The following AK5 variants were observed in gnomAD, a reference collection of about 807,000 sequenced individuals.
AK5 encodes the protein adenylate kinase 5.
A neutral mutation model predicts 69.5 loss-of-function variants in AK5; 27 were observed. The observed-to-expected ratio is 0.39, with a 90% CI of 0.29 to 0.54. AK5 has a LOEUF of 0.54. AK5 is among the 20% of genes least tolerant of loss of function. The pLI, the probability that AK5 is intolerant of heterozygous loss-of-function variation, is 0.71. For synonymous variants in AK5, 260 were observed against 244.4 expected (o/e 1.06, Z -0.60); for missense variants, 531 against 700.4 (o/e 0.76, Z 2.73).
intron 1 of AK5, among the ~76,000 whole-genome samples, chr1:77,286,270 A>C (rs1658345080): frequency 6.6e-6 from 1 of 151,588 alleles, no homozygotes; most frequent in African/African-American, 2.4e-5. Context: ...AGAGACATAA[A>C]GGGTGGGTAG....
chr1:77,449,040 G>A (rs184807922), intron 8 of AK5, among the ~76,000 whole-genome samples: 1 of 152,342 alleles, frequency 6.6e-6, no homozygotes, highest in East Asian at 1.9e-4. Context: ...TGCTAGGGAA[G>A]TACAAAAGGG....
chr1:77,463,513 T>C (rs78069045), intron 8 of AK5, among the ~76,000 whole-genome samples: 1,859 of 151,590 alleles, frequency 0.012, 41 homozygotes, highest in African/African-American at 0.042. Flanking sequence ...TCCTTCACTA[T>C]GTGAGTGTCT....
chr1:77,465,794 G>T (rs1476407435), intron 8 of AK5, among the ~76,000 whole-genome samples: 1 of 152,100 alleles, frequency 6.6e-6, no homozygotes, highest in Non-Finnish European at 1.5e-5. Flanking sequence ...CTCCTGCCTT[G>T]ACCATACTAA....
intron 13 of AK5, among the ~76,000 whole-genome samples, chr1:77,548,482 T>C (rs1468583875): frequency 6.6e-6 from 1 of 152,214 alleles, no homozygotes; most frequent in Non-Finnish European, 1.5e-5. Context: ...TGTGAGGCTG[T>C]GTCTTGTTTA....
intron 10 of AK5, among the ~76,000 whole-genome samples, chr1:77,514,826 A>G (rs2100300169): frequency 6.6e-6 from 1 of 152,384 alleles, no homozygotes; most frequent in Middle Eastern, 3.4e-3. Context: ...TAATTGGAAC[A>G]TGGCATTTTT....
intron 2 of AK5, among the ~76,000 whole-genome samples, chr1:77,292,481 T>C (rs1287715211): frequency 3.9e-5 from 6 of 152,178 alleles, no homozygotes; most frequent in Non-Finnish European, 7.4e-5. Flanking sequence ...ACAGTAGTCA[T>C]CTTAGCAGAA....
At chr1:77,459,747 T>C (rs1226678945) in intron 8 of AK5, among the ~76,000 whole-genome samples, 1 of 152,156 alleles carries the variant, frequency 6.6e-6, no homozygotes, top group Non-Finnish European at 1.5e-5. Context: ...TAGTAGAGCC[T>C]CAGTACATGG....
chr1:77,460,064 T>C (rs1007992491), intron 8 of AK5, among the ~76,000 whole-genome samples: 3 of 152,322 alleles, frequency 2.0e-5, no homozygotes, highest in Admixed American at 6.5e-5. Flanking sequence ...CTCAGAGATA[T>C]GACACACTTC....
At chr1:77,341,755 A>T (rs911789291) in intron 6 of AK5, among the ~76,000 whole-genome samples, 2 of 152,230 alleles carry the variant, frequency 1.3e-5, no homozygotes, top group Non-Finnish European at 2.9e-5. Context: ...GCAGAGTTGT[A>T]AGTCTGATCT....
At chr1:77,286,713 G>T (rs1417483695) in intron 1 of AK5, among the ~76,000 whole-genome samples, 1 of 152,000 alleles carries the variant, frequency 6.6e-6, no homozygotes, top group East Asian at 1.9e-4. Flanking sequence ...TGGGCATAAT[G>T]GTGTGCACCT....
chr1:77,558,743 A>G lies in AK5; in HGVS notation c.*73A>G. On this transcript the variant is annotated 3_prime_UTR_variant, in exon 14 of 14. Coordinates refer to ENST00000354567, the MANE Select transcript of AK5 (RefSeq NM_174858.3). Reference sequence around the variant, plus strand: ...AGTTCATTCCTTAACACAATGTTTCAAGTTAAACCTTTTGTGTCACCGCCC... The same window carrying G: ...AGTTCATTCCTTAACACAATGTTTCGAGTTAAACCTTTTGTGTCACCGCCC... The G allele has an allele frequency of 1.8e-6, 2 of 1,124,008 alleles. No homozygotes were observed. Among genetic ancestry groups the G allele is most frequent in the Non-Finnish European group, 2.7e-6 (2 of 742,310 alleles). 69.6% of individuals were successfully genotyped at this position (1,124,008 alleles called of 1,614,324 possible). A position where few individuals can be genotyped will look rare whatever the true frequency, so the allele number is the denominator to read the frequency against.
At chr1:77,311,596 T>C (rs1659965596) in intron 5 of AK5, among the ~76,000 whole-genome samples, 1 of 152,156 alleles carries the variant, frequency 6.6e-6, no homozygotes, top group South Asian at 2.1e-4. Context: ...GTTATTGTCG[T>C]TAGACCATAT....
intron 5 of AK5, among the ~76,000 whole-genome samples, chr1:77,336,182 A>G (rs1254079699): frequency 2.0e-5 from 3 of 151,484 alleles, no homozygotes; most frequent in Non-Finnish European, 4.4e-5. Flanking sequence ...CCCGGGTTCA[A>G]GTGATTCTCC....
chr1:77,439,454 A>C (rs1218868481), intron 8 of AK5, among the ~76,000 whole-genome samples: 1 of 152,120 alleles, frequency 6.6e-6, no homozygotes, highest in Non-Finnish European at 1.5e-5. Context: ...ATGAATTATT[A>C]ACTATAGTCA....
intron 6 of AK5, among the ~76,000 whole-genome samples, chr1:77,373,041 A>T (rs1225007626): frequency 6.6e-6 from 1 of 152,168 alleles, no homozygotes; most frequent in Non-Finnish European, 1.5e-5. Flanking sequence ...CCACACTTTT[A>T]ATTATTTTTT....
At chr1:77,282,693 C>T in intron 1 of AK5, 1 of 1,122,574 alleles carries the variant, frequency 8.9e-7, no homozygotes, top group Non-Finnish European at 1.1e-6. Flanking sequence ...GGCCGGGCCG[C>T]ACTCTCTGGG....
intron 8 of AK5, among the ~76,000 whole-genome samples, chr1:77,482,980 G>T (rs1388765744): frequency 2.8e-5 from 3 of 108,310 alleles, no homozygotes; most frequent in East Asian, 6.2e-4. Flanking sequence ...TCCACAGATA[G>T]TTTTTGCACT....
intron 8 of AK5, among the ~76,000 whole-genome samples, chr1:77,475,377 ATT>A (rs1654812054): frequency 9.6e-6 from 1 of 104,052 alleles, no homozygotes; most frequent in Non-Finnish European, 1.7e-5. Context: ...ACAAATATAT[ATT>A]ATATATATGT....
chr1:77,298,058 C>G (rs1020219103), intron 5 of AK5, 111 bp downstream of exon 5: 5 of 728,038 alleles, frequency 6.9e-6, no homozygotes, highest in Admixed American at 3.0e-5. Flanking sequence ...GAATTCTGGT[C>G]TGAAAACAGG....
Sources: gnomAD v4.1 joint callset for allele counts (sites outside exome capture counted in the v4.1 genomes callset) on GRCh38, gnomAD v4.1.1 for gene constraint, MANE v1.5 for transcripts, NCBI Gene and HGNC (gene_info 2026-07-23, HGNC 2026-07-21) for gene names.